Variants in AP2A1 observed in about 807,000 individuals in gnomAD.
AP2A1 encodes the protein AP-2 complex subunit alpha-1.
In AP2A1, 21 loss-of-function variants were observed where a neutral mutation model predicts 107.3. That is an observed-to-expected ratio of 0.20 (90% CI 0.14 to 0.28). The LOEUF is 0.28. Among genes scored for constraint, AP2A1 ranks in the 10% least tolerant of loss-of-function variants. The pLI is 1.00. For missense variants in AP2A1, 873 were observed against 1,307.7 expected, an observed-to-expected ratio of 0.67 and a Z score of 5.13; for synonymous variants, 602 against 564.8, an observed-to-expected ratio of 1.07 and a Z score of -0.93.
At chr19:49,789,314 G>A (rs916016175) in intron 4 of AP2A1, among the ~76,000 whole-genome samples, 1 of 151,668 alleles carries the variant, frequency 6.6e-6, no homozygotes, top group South Asian at 2.1e-4. Flanking sequence ...TTTTTGAGAC[G>A]GAGTCTCACT....
At chr19:49,806,492 C>T (rs2073388864) in intron 22 of AP2A1, 189 bp from the exon 23 acceptor site, 18 of 1,443,740 alleles carry the variant, frequency 1.2e-5, no homozygotes, top group Non-Finnish European at 1.5e-5. Flanking sequence ...TCCTTTCCAC[C>T]TTTCTCTCAT....
rs778354476 is a variant in AP2A1, at chr19:49,806,175, C to T, written c.2712C>T (p.Phe904=). 2.5e-6 allele frequency: 4 copies of T among 1,588,470 alleles called. No homozygotes were observed. The South Asian group carries it at 3.4e-5, about 14-fold the overall frequency. The change falls in exon 22 of 23, where the codon TTC becomes TTT. Residue 904 remains phenylalanine (F), a synonymous_variant. Transcript: ENST00000354293. ...LDNVDPNPEN[F]VGAGIIQTKA... is the part of the protein sequence containing the mutation. The stretch of plus-strand genomic sequence containing the variant: ...ATGTGGACCCCAACCCTGAGAACTT[C>T]GTGGGGGCGGGGATCATCCAGACTA...
chr19:49,802,749 A>G (rs1176707145), intron 15 of AP2A1, 200 bp from the exon 16 acceptor site: 1 of 1,020,876 alleles, frequency 9.8e-7, no homozygotes, highest in Non-Finnish European at 1.4e-6. Context: ...GTGTCTGCCG[A>G]TGCGGGGGCA....
chr19:49,772,701 T>C (rs1600214304), intron 1 of AP2A1, among the ~76,000 whole-genome samples: 1 of 151,078 alleles, frequency 6.6e-6, no homozygotes, highest in Non-Finnish European at 1.5e-5. Context: ...GGGGTTTCAC[T>C]GTGTTAGCCA....
chr19:49,787,373 A>T (rs2084754898), intron 4 of AP2A1, among the ~76,000 whole-genome samples: 2 of 106,690 alleles, frequency 1.9e-5, no homozygotes, highest in Non-Finnish European at 3.6e-5. Flanking sequence ...TTTTTGAGGC[A>T]GTCTCTCTCT....
chr19:49,798,733 G>A (rs1007364707), intron 7 of AP2A1, 69 bp from the exon 8 acceptor site: 1 of 1,540,870 alleles, frequency 6.5e-7, no homozygotes, highest in Admixed American at 2.0e-5. Context: ...CTGGGGCATG[G>A]CCACCACCCC....
At chr19:49,800,363 G>A (rs781265158) in intron 11 of AP2A1, among the ~76,000 whole-genome samples, 11 of 152,236 alleles carry the variant, frequency 7.2e-5, no homozygotes, top group African/African-American at 1.9e-4. Flanking sequence ...CAGGGCATGG[G>A]CATGGGGCAC....
At position 49,767,190 on chromosome 19, in the gene AP2A1, C is replaced by T. The variant is rs778763893; in HGVS notation, c.57C>T (p.Asp19=). ...GGGGGCTCGCGGTGTTCATCTCCGA[C>T]ATCCGGAACTGTGAGCGCGCGGCCG... The part of the protein sequence containing the change: ...GMRGLAVFIS[D]IRNCKSKEAE... The change falls in exon 1 of 23, where the codon GAC becomes GAT. Residue 19 remains aspartate, a synonymous_variant. Transcript: ENST00000354293. The T allele has an allele frequency of 1.1e-5, 17 of 1,611,918 alleles. No individual in the cohort carries two copies. The East Asian group carries it at 3.1e-4, about 30-fold the overall frequency.
intron 1 of AP2A1, among the ~76,000 whole-genome samples, chr19:49,772,055 C>A (rs2084564159): frequency 6.6e-6 from 1 of 151,884 alleles, no homozygotes; most frequent in South Asian, 2.1e-4. Context: ...CATAGCAAGA[C>A]CCTGTCTCTC....
At chr19:49,789,988 G>A (rs963948942) in intron 4 of AP2A1, among the ~76,000 whole-genome samples, 10 of 152,156 alleles carry the variant, frequency 6.6e-5, no homozygotes, top group Non-Finnish European at 8.8e-5. Flanking sequence ...TGGGCTGCCC[G>A]CTGGCTGCCA....
At chr19:49,798,676 T>G in intron 7 of AP2A1, 126 bp from the exon 8 acceptor site, 1 of 1,280,960 alleles carries the variant, frequency 7.8e-7, no homozygotes, top group Non-Finnish European at 1.1e-6. Flanking sequence ...GCTGCAGAAT[T>G]CTCGAGTGTC....
At position 49,795,632 on chromosome 19, in the gene AP2A1, C is replaced by G; in HGVS notation, c.708C>G (p.Ile236Met). 1 of 1,247,930 alleles carries G rather than the reference C, an allele frequency of 8.0e-7. No homozygotes were observed. The highest frequency in any genetic ancestry group is 1.1e-6 in the Non-Finnish European group (1 of 935,182). The allele number at this position is 1,247,930 out of a possible 1,614,324, so 77.3% of individuals were successfully genotyped here. A position where few individuals can be genotyped will look rare whatever the true frequency, so the allele number is the denominator to read the frequency against. ...TATTTCTTGCTCTTCCCCGCCAGAT[C>G]GTCTCCTCTGCCTCCACCGACCTCC... ...VSLAVSRLSR[I>M]VSSASTDLQD... Residue 236 changes from isoleucine to methionine, a missense_variant and splice_region_variant, in exon 7 of 23, where the codon ATC becomes ATG. Physicochemically the swap from Ile to Met is conservative, Grantham distance 10. Around this residue, in one of 4 missense-constraint regions of AP2A1, gnomAD observed 157 missense variants for 212.6 expected, o/e 0.74. Transcript: ENST00000354293.
Position 49,802,565 on chromosome 19 carries a change from A to T in AP2A1, c.2115-384A>T, listed in dbSNP as rs370161023. The T allele has an allele frequency of 6.9e-6, 11 of 1,595,226 alleles. No homozygotes were observed. The highest frequency in any genetic ancestry group is 5.4e-5 in the African/African-American group (4 of 74,222). On this transcript the variant is annotated intron_variant, in intron 15 of 22. Coordinates refer to ENST00000354293, the MANE Select transcript of AP2A1 (RefSeq NM_130787.3). ...GGAGCCGCCTGCCCCCGAGAGCCCCATGGCTTTGCTGGCTGACCCAGCTCC... is the reference window on the plus strand; with the variant it reads ...GGAGCCGCCTGCCCCCGAGAGCCCCTTGGCTTTGCTGGCTGACCCAGCTCC...
At chr19:49,778,562 G>A (rs1273645) in intron 1 of AP2A1, among the ~76,000 whole-genome samples, 16 of 152,078 alleles carry the variant, frequency 1.1e-4, no homozygotes, top group African/African-American at 7.2e-5. Context: ...CAGCCTGGGC[G>A]ACAAGAGTGA....
chr19:49,767,095 C>T lies in AP2A1; in HGVS notation c.-39C>T. 1 of 1,606,168 alleles carries T rather than the reference C, an allele frequency of 6.2e-7. No individual in the cohort carries two copies. ...GCTTGCCAGCCCCCGCTGCTCTGTG[C>T]CCTGTCCGGCCAGGCCTGGAGCCGA... On this transcript the variant is annotated 5_prime_UTR_variant, in exon 1 of 23. Coordinates refer to ENST00000354293, the MANE Select transcript of AP2A1 (RefSeq NM_130787.3).
chr19:49,799,505 C>A lies in AP2A1; in HGVS notation c.1134+10C>A. On this transcript the variant is annotated intron_variant, in intron 9 of 22. Coordinates refer to ENST00000354293, the MANE Select transcript of AP2A1 (RefSeq NM_130787.3). ...CATCAATGCCCTCAAGGTGTGAGCC[C>A]TTGGAGCCCACCCCGGGCCTGCCAC... 2 of 1,609,860 alleles carry A rather than the reference C, an allele frequency of 1.2e-6. No individual in the cohort carries two copies.
At chr19:49,793,209 AGGCTCTGAGCTGGATTCATCCT>A (rs1292684527) in intron 6 of AP2A1, 117 bp downstream of exon 6, 19 of 1,002,578 alleles carry the variant, frequency 1.9e-5, no homozygotes, top group Middle Eastern at 4.9e-4. Flanking sequence ...TTACAAACTC[AGGCTCTGAGCTGGATTCATCCT>A]GGCTCGGCCT....
intron 7 of AP2A1, chr19:49,796,253 G>A (rs1444287740): frequency 1.3e-5 from 2 of 154,632 alleles, no homozygotes; most frequent in African/African-American, 4.8e-5. Flanking sequence ...CTGCCGAACA[G>A]AGCTGGCAAG....
intron 1 of AP2A1, among the ~76,000 whole-genome samples, chr19:49,770,575 C>T (rs939702991): frequency 2.6e-5 from 4 of 152,238 alleles, no homozygotes; most frequent in South Asian, 2.1e-4. Flanking sequence ...AAAACAGAAA[C>T]GGGCCAAATG....
Sources: allele counts gnomAD v4.1 joint callset (sites outside exome capture counted in the v4.1 genomes callset), GRCh38; gene constraint gnomAD v4.1.1; regional missense constraint gnomAD v4.1.1; transcripts MANE v1.5; gene names NCBI Gene and HGNC (gene_info 2026-07-23, HGNC 2026-07-21).